RYR1: variants seen among roughly 807,000 people sequenced by gnomAD.
RYR1 encodes central core disease of muscle.
A neutral mutation model predicts 583.5 loss-of-function variants in RYR1; 342 were observed. The observed-to-expected ratio is 0.59, with a 90% CI of 0.54 to 0.64. The LOEUF (loss-of-function observed/expected upper bound fraction) is 0.64. RYR1 is among the 30% of genes least tolerant of loss of function. The pLI is 0.00. For synonymous variants in RYR1, 2,791 were observed against 2,822.5 expected (o/e 0.99, Z 0.35); for missense variants, 6,032 against 6,917.2 (o/e 0.87, Z 4.54).
At position 38,502,634 on chromosome 19, in the gene RYR1, C is replaced by G. The variant is rs746348043; in HGVS notation, c.7742C>G (p.Ser2581Cys). 4.3e-6 allele frequency: 7 copies of G among 1,613,110 alleles called. No homozygotes were observed. The South Asian group carries it at 6.6e-5, about 15-fold the overall frequency. The change falls in exon 48 of 106, where the codon TCT becomes TGT. Residue 2581 changes from serine to cysteine, a missense_variant. This residue lies in a region of RYR1 where 250 missense variants were observed against 162.3 expected (regional missense o/e 1.54). Transcript: ENST00000359596. ...GTEHRAIMVD[S>C]MLHTVYRLSR... ...GAACACCGCGCCATCATGGTGGACT[C>G]TATGCTGCATACCGTGTACCGCCTG... is the stretch of plus-strand genomic sequence containing the variant.
intron 88 of RYR1, 97 bp downstream of exon 88, chr19:38,546,623 C>T (rs967654447): frequency 1.1e-6 from 1 of 930,794 alleles, no homozygotes; most frequent in East Asian, 2.5e-5. Flanking sequence ...TCCTCAACCC[C>T]ATCTGACATC....
In RYR1 at chr19:38,517,412, G is replaced by A; in HGVS notation, c.9739G>A (p.Glu3247Lys). 6.2e-7 allele frequency: 1 copy of A among 1,614,102 alleles called. No homozygotes were observed. Among genetic ancestry groups the A allele is most frequent in the Non-Finnish European group, 8.5e-7 (1 of 1,180,026 alleles). ...GATGTGTCCCGACATCCCGGTGCTGGAGCGGCTCATGGCAGACATTGGGGG... is the reference window on the plus strand; with the variant it reads ...GATGTGTCCCGACATCCCGGTGCTGAAGCGGCTCATGGCAGACATTGGGGG... The part of the protein sequence containing the change: ...EEMCPDIPVL[E>K]RLMADIGGLA... The change falls in exon 66 of 106, where the codon GAG (glutamate) becomes AAG (lysine). Residue 3247 changes from glutamate (E) to lysine (K), a missense_variant. Transcript: ENST00000359596.
chr19:38,516,894 C>T (rs1970996422), intron 65 of RYR1, among the ~76,000 whole-genome samples: 1 of 152,138 alleles, frequency 6.6e-6, no homozygotes, highest in African/African-American at 2.4e-5. Flanking sequence ...GGAAACTTGT[C>T]TTCTTGGTCA....
chr19:38,578,227 G>C, intron 99 of RYR1, 23 bp downstream of exon 99: 1 of 1,611,680 alleles, frequency 6.2e-7, no homozygotes, highest in Non-Finnish European at 8.5e-7. Context: ...CCACAGACTG[G>C]GGAGGGACTC....
intron 102 of RYR1, among the ~76,000 whole-genome samples, chr19:38,585,312 A>G (rs145462210): frequency 5.9e-5 from 9 of 151,316 alleles, no homozygotes; most frequent in African/African-American, 2.2e-4. Context: ...GATCAGGATT[A>G]AGTCAGTTCA....
intron 97 of RYR1, 147 bp downstream of exon 97, chr19:38,576,108 G>A (rs1973946879): frequency 2.4e-6 from 2 of 844,232 alleles, no homozygotes; most frequent in East Asian, 5.0e-5. Flanking sequence ...TCCCCATGGG[G>A]AGATGGGCAT....
rs1230953507 is a variant in RYR1, at chr19:38,565,094, G to A, written c.12760G>A (p.Glu4254Lys). ...GATCGCCGCGCAGATCTCGGAGCCC[G>A]AGGGCGAGCCGGAGACCGACGAGGA... The part of the protein sequence containing the change: ...MQIAAQISEP[E>K]GEPETDEDEG... The change falls in exon 91 of 106, where the codon GAG becomes AAG. Residue 4254 changes from glutamate to lysine, a missense_variant. Glu to Lys is a moderately conservative substitution (Grantham distance 56). Transcript: ENST00000359596. This position sits in a 1 kb window ranked among gnomAD's most constrained non-coding sequence, Gnocchi z 4.7. The A allele has an allele frequency of 7.1e-6, 11 of 1,551,176 alleles. No homozygotes were observed. The highest frequency in any genetic ancestry group is 2.4e-5 in the East Asian group (1 of 41,636).
chr19:38,515,674 T>A (rs998907334), intron 64 of RYR1, among the ~76,000 whole-genome samples: 3 of 151,966 alleles, frequency 2.0e-5, no homozygotes, highest in African/African-American at 7.3e-5. Flanking sequence ...TGTGGTGTAG[T>A]GGCGCTGGTG....
chr19:38,465,992 G>A (rs903490272), intron 23 of RYR1, 99 bp from the exon 24 acceptor site: 30 of 1,183,908 alleles, frequency 2.5e-5, no homozygotes, highest in East Asian at 1.8e-4. Flanking sequence ...CAGAAACGCC[G>A]AAGCTGGGAC....
At chr19:38,479,524 C>T (rs994814384) in intron 31 of RYR1, among the ~76,000 whole-genome samples, 1 of 151,652 alleles carries the variant, frequency 6.6e-6, no homozygotes, top group South Asian at 2.1e-4. Context: ...CCTTCTGTCT[C>T]AGCTTCCTAA....
chr19:38,458,431 C>T, intron 18 of RYR1, 139 bp downstream of exon 18: 2 of 833,828 alleles, frequency 2.4e-6, no homozygotes, highest in Non-Finnish European at 3.9e-6. Flanking sequence ...CCTCATTTCC[C>T]AAGACCCTAA....
At chr19:38,477,098 C>A (rs1461671631) in intron 29 of RYR1, among the ~76,000 whole-genome samples, 4 of 151,966 alleles carry the variant, frequency 2.6e-5, no homozygotes, top group African/African-American at 4.8e-5. Context: ...AAAAAAAAGA[C>A]CTTAGCACAG....
In RYR1 at chr19:38,506,360, C is replaced by T. The variant is rs773052615; in HGVS notation, c.8599C>T (p.Leu2867=). ...GCCCCCCGACCTTAGTGCTGTTACC[C>T]TGTCCCGGGAGCTGCAGGTGAGAGC... ...PQPPDLSAVT[L]SRELQAMAEQ... is the part of the protein sequence containing the mutation. Residue 2867 remains leucine (L), a synonymous_variant, in exon 55 of 106, where the codon CTG becomes TTG. Transcript: ENST00000359596. The T allele has an allele frequency of 2.5e-6, 4 of 1,613,778 alleles. No homozygotes were observed. The highest frequency in any genetic ancestry group is 2.2e-5 in the South Asian group (2 of 91,070).
rs760083645 is a variant in RYR1 at position 38,506,793 on chromosome 19, C to T, written c.8693-36C>T. The T allele has an allele frequency of 5.0e-6, 8 of 1,613,796 alleles. No homozygotes were observed. The East Asian group carries it at 1.1e-4, about 22-fold the overall frequency. ...CTTCAGTGAGAGTGGCCCGGGTCTT[C>T]CCCAGAGCCCTGATTTCTGGTCTTT... On this transcript the variant is annotated intron_variant, in intron 56 of 105. Transcript: ENST00000359596.
intron 82 of RYR1, among the ~76,000 whole-genome samples, chr19:38,536,369 C>A (rs1206094212): frequency 6.6e-6 from 1 of 150,528 alleles, no homozygotes; most frequent in Admixed American, 6.6e-5. Flanking sequence ...AAATGTCACG[C>A]CCTGGTTGCT....
chr19:38,497,766 G>A (rs988484801), intron 42 of RYR1, among the ~76,000 whole-genome samples: 2 of 152,096 alleles, frequency 1.3e-5, no homozygotes, highest in African/African-American at 4.8e-5. Context: ...TTAAGCTCAG[G>A]AGTTTAAGAC....
In RYR1 at chr19:38,502,863, T is replaced by G. The variant is rs142720065; in HGVS notation, c.7836-17T>G. 4 of 1,607,078 alleles carry G rather than the reference T, an allele frequency of 2.5e-6. No homozygotes were observed. The highest frequency in any genetic ancestry group is 1.1e-5 in the South Asian group (1 of 90,888). ...GGCCTGGACGGGGGATTCTACATCT[T>G]GTGCATTGTCCCGCAGGTACATCCG... On this transcript the variant is annotated splice_polypyrimidine_tract_variant and intron_variant, in intron 48 of 105. Transcript: ENST00000359596.
rs78835441 is a variant in RYR1, at chr19:38,458,129, C to T, written c.2004C>T (p.Asp668=). The T allele has an allele frequency of 1.6e-3, 2,610 of 1,614,002 alleles. 65 individuals are homozygous for T. The East Asian group carries it at 0.048, about 30-fold the overall frequency. The change falls in exon 18 of 106, where the codon GAC becomes GAT. Residue 668 remains aspartate (D), a synonymous_variant. Coordinates refer to ENST00000359596, the MANE Select transcript of RYR1 (RefSeq NM_000540.3). ...YSKWYFEVMV[D]EVTPFLTAQA... ...AATGGTACTTTGAGGTGATGGTGGA[C>T]GAGGTGACTCCATTTCTGACAGCTC...
rs1035559499 is a variant in RYR1, at chr19:38,468,971, G to T, written c.3387G>T (p.Gln1129His). The part of the protein sequence containing the change: ...LAYVFNGHRG[Q>H]RWHLGSEPFG... ...TTCTCTGGCTGTCCTCACAGGGCCA[G>T]CGCTGGCACTTGGGCAGTGAACCAT... Residue 1129 changes from glutamine (Q) to histidine (H), a missense_variant, in exon 26 of 106, where the codon CAG becomes CAT. By Grantham distance (24) the Gln-to-His change is conservative. Coordinates refer to ENST00000359596, the MANE Select transcript of RYR1 (RefSeq NM_000540.3). 3 of 1,614,004 alleles carry T rather than the reference G, an allele frequency of 1.9e-6. No individual in the cohort carries two copies. The African/African-American group carries it at 4.0e-5, about 22-fold the overall frequency.
Sources: allele counts gnomAD v4.1 joint callset (sites outside exome capture counted in the v4.1 genomes callset), GRCh38; gene constraint gnomAD v4.1.1; regional missense constraint gnomAD v4.1.1; non-coding constraint Gnocchi (gnomAD v3.1); transcripts MANE v1.5; gene names NCBI Gene and HGNC (gene_info 2026-07-23, HGNC 2026-07-21).